The following KCNN2 variants were observed in gnomAD, a reference collection of about 807,000 sequenced individuals.
KCNN2 encodes potassium calcium-activated channel subfamily N member 2.
In KCNN2, 24 loss-of-function variants were observed where a neutral mutation model predicts 55.5. The observed-to-expected ratio is 0.43, with a 90% CI of 0.31 to 0.61. KCNN2 has a LOEUF of 0.61. KCNN2 is among the 20% of genes least tolerant of loss of function. The pLI is 0.08. For missense variants in KCNN2, 754 were observed against 853.6 expected (o/e 0.88, Z 1.45); for synonymous variants, 431 against 336.1 (o/e 1.28, Z -3.09).
At chr5:114,464,541 G>T (rs968386651) in intron 4 of KCNN2, among the ~76,000 whole-genome samples, 2 of 152,300 alleles carry the variant, frequency 1.3e-5, no homozygotes, top group South Asian at 2.1e-4. Flanking sequence ...TGCAGAAGCT[G>T]CCTGGGAAGA....
chr5:114,125,322 G>A (rs920232373), intron 1 of KCNN2, among the ~76,000 whole-genome samples: 2 of 152,182 alleles, frequency 1.3e-5, no homozygotes, highest in Admixed American at 1.3e-4. Flanking sequence ...TCCCACTGTA[G>A]TTTTGGAGTC....
chr5:114,281,741 A>G (rs776461934), intron 2 of KCNN2, among the ~76,000 whole-genome samples: 1 of 125,144 alleles, frequency 8.0e-6, no homozygotes, highest in Non-Finnish European at 1.8e-5. Context: ...AGCATATACT[A>G]TGACCTGAAG....
chr5:114,304,396 C>CAGTT (rs1448326322), intron 2 of KCNN2, among the ~76,000 whole-genome samples: 1 of 152,162 alleles, frequency 6.6e-6, no homozygotes, highest in Non-Finnish European at 1.5e-5. Flanking sequence ...TGTGAATGTA[C>CAGTT]CATTTTTGCA....
chr5:114,076,238 T>C (rs1362789414), intron 1 of KCNN2, among the ~76,000 whole-genome samples: 1 of 152,230 alleles, frequency 6.6e-6, no homozygotes, highest in African/African-American at 2.4e-5. Context: ...GCTAATGGCA[T>C]CTTTGGTAGT....
chr5:114,259,088 A>G (rs1755046205), intron 2 of KCNN2, among the ~76,000 whole-genome samples: 1 of 152,150 alleles, frequency 6.6e-6, no homozygotes, highest in Non-Finnish European at 1.5e-5. Flanking sequence ...ATAGAACTAT[A>G]TTCCTCCCTT....
At chr5:114,492,544 T>C (rs1021908199) in intron 6 of KCNN2, among the ~76,000 whole-genome samples, 2 of 152,132 alleles carry the variant, frequency 1.3e-5, no homozygotes, top group East Asian at 1.9e-4. Flanking sequence ...AATAAATATT[T>C]GTTGAAAAAT....
At chr5:114,459,691 A>G (rs189958603) in intron 3 of KCNN2, among the ~76,000 whole-genome samples, 2 of 152,284 alleles carry the variant, frequency 1.3e-5, no homozygotes, top group East Asian at 3.9e-4. Flanking sequence ...ATTCTGAGCT[A>G]TTTTTAGGGC....
At chr5:114,216,509 T>C (rs1177715821) in intron 1 of KCNN2, among the ~76,000 whole-genome samples, 1 of 152,164 alleles carries the variant, frequency 6.6e-6, no homozygotes, top group Non-Finnish European at 1.5e-5. Flanking sequence ...TAAAGGTAAA[T>C]TTATGAGCTT....
chr5:114,392,296 C>T (rs1460337273), intron 2 of KCNN2, among the ~76,000 whole-genome samples: 1 of 152,188 alleles, frequency 6.6e-6, no homozygotes, highest in Non-Finnish European at 1.5e-5. Context: ...TGAAGGACTT[C>T]TCAAGGTCAT....
chr5:114,209,113 G>A (rs1398455772), intron 1 of KCNN2, among the ~76,000 whole-genome samples: 1 of 151,200 alleles, frequency 6.6e-6, no homozygotes, highest in East Asian at 2.0e-4. Flanking sequence ...CTGGAGTGCA[G>A]TGGCACAATC....
At chr5:114,253,918 ACT>A (rs1432584120) in intron 2 of KCNN2, among the ~76,000 whole-genome samples, 10 of 152,084 alleles carry the variant, frequency 6.6e-5, no homozygotes, top group African/African-American at 2.4e-4. Context: ...TTAATCTGTG[ACT>A]CTTGTTTGCA....
intron 1 of KCNN2, among the ~76,000 whole-genome samples, chr5:114,158,596 T>A (rs1477711395): frequency 6.6e-6 from 1 of 151,910 alleles, no homozygotes; most frequent in Non-Finnish European, 1.5e-5. Flanking sequence ...CCTTGGGCAG[T>A]ATGGCCATTT....
intron 2 of KCNN2, among the ~76,000 whole-genome samples, chr5:114,278,189 A>G (rs1039876791): frequency 1.2e-4 from 18 of 152,256 alleles, no homozygotes; most frequent in African/African-American, 4.1e-4. Flanking sequence ...GCAGAACAGC[A>G]AATATTGCTG....
chr5:114,360,479 G>C (rs988403306), upstream of KCNN2, among the ~76,000 whole-genome samples: 1 of 152,128 alleles, frequency 6.6e-6, no homozygotes, highest in Non-Finnish European at 1.5e-5. Flanking sequence ...ATGAAAAGCA[G>C]GCTTTAAAAT....
At chr5:114,268,583 G>T (rs987007972) in intron 2 of KCNN2, among the ~76,000 whole-genome samples, 1 of 152,176 alleles carries the variant, frequency 6.6e-6, no homozygotes, top group Non-Finnish European at 1.5e-5. Context: ...ACCAAAAAGA[G>T]CAGAGAAAGA....
intron 2 of KCNN2, among the ~76,000 whole-genome samples, chr5:114,394,528 AT>A (rs780632282): frequency 6.6e-6 from 1 of 152,190 alleles, no homozygotes; most frequent in Non-Finnish European, 1.5e-5. Flanking sequence ...AAGATGCAGT[AT>A]TTTATCTTGA....
intron 2 of KCNN2, among the ~76,000 whole-genome samples, chr5:114,339,830 T>C (rs1031713581): frequency 6.6e-6 from 1 of 151,328 alleles, no homozygotes; most frequent in East Asian, 1.9e-4. Flanking sequence ...AATAAATAAA[T>C]AAATAAATAA....
intron 1 of KCNN2, among the ~76,000 whole-genome samples, chr5:114,059,308 TATC>T (rs747052485): frequency 7.2e-5 from 11 of 152,226 alleles, no homozygotes; most frequent in South Asian, 2.1e-4. Flanking sequence ...ATTTTGGACA[TATC>T]ATATTATTTT....
intron 3 of KCNN2, among the ~76,000 whole-genome samples, chr5:114,419,659 A>T (rs1008648796): frequency 3.9e-5 from 6 of 152,192 alleles, no homozygotes; most frequent in Non-Finnish European, 8.8e-5. Context: ...AGTACTAGCT[A>T]GATGCATAAG....
Sources: allele counts gnomAD v4.1 joint callset (sites outside exome capture counted in the v4.1 genomes callset), GRCh38; gene constraint gnomAD v4.1.1; transcripts MANE v1.5; gene names NCBI Gene and HGNC (gene_info 2026-07-23, HGNC 2026-07-21).